Variants in SOX6 observed in about 807,000 individuals in gnomAD.
SOX6 encodes SRY-box transcription factor 6, also known as transcription factor SOX-6.
Under a neutral mutation model 97.8 loss-of-function variants are expected in SOX6, and 11 were observed. The ratio of observed to expected loss-of-function variants is 0.11; its 90% CI spans 0.07 to 0.19. The LOEUF is 0.19. Among genes scored for constraint, SOX6 ranks in the 10% least tolerant of loss-of-function variants. The pLI is 1.00. For synonymous variants in SOX6, 360 were observed against 371.4 expected, an observed-to-expected ratio of 0.97 and a Z score of 0.35; for missense variants, 810 against 1,039.5, an observed-to-expected ratio of 0.78 and a Z score of 3.04.
At chr11:16,307,017 T>C (rs1855462255) in intron 3 of SOX6, among the ~76,000 whole-genome samples, 1 of 152,170 alleles carries the variant, frequency 6.6e-6, no homozygotes, top group East Asian at 1.9e-4. Context: ...GTGTGTCTAA[T>C]ATAACTAAGG....
At chr11:16,051,509 T>A in intron 10 of SOX6, among the ~76,000 whole-genome samples, 1 of 152,184 alleles carries the variant, frequency 6.6e-6, no homozygotes, top group Non-Finnish European at 1.5e-5. Context: ...TGTACGTTTA[T>A]GTATATTTAT....
chr11:16,590,133 T>C (rs1379215702), intron 4 of SOX6, among the ~76,000 whole-genome samples: 1 of 152,216 alleles, frequency 6.6e-6, no homozygotes, highest in Non-Finnish European at 1.5e-5. Context: ...TGGCATTGTA[T>C]AGGTGGTACT....
intron 11 of SOX6, among the ~76,000 whole-genome samples, chr11:16,048,437 C>T (rs934730994): frequency 2.6e-5 from 4 of 152,110 alleles, no homozygotes; most frequent in Non-Finnish European, 5.9e-5. Context: ...CACAATTTAG[C>T]AAATATTCTA....
intron 3 of SOX6, among the ~76,000 whole-genome samples, chr11:16,306,623 T>TTC: frequency 7.6e-6 from 1 of 132,198 alleles, no homozygotes; most frequent in Non-Finnish European, 1.7e-5. Context: ...TTTTTTTTTT[T>TTC]TTTCTTTTTT....
rs567583501 is a variant in SOX6 at position 16,451,067 on chromosome 11, C to CA, written c.-5+25247dup. Among the ~76,000 whole-genome samples, 634 of 151,818 alleles carry CA rather than the reference C, an allele frequency of 4.2e-3. 5 individuals carry two copies. The highest frequency in any genetic ancestry group is 0.015 in the African/African-American group (608 of 41,394). Reference sequence around the variant, plus strand: ...GCAACATGGCGAAACACTGTCTCTACAAAAAAATAAAAAAATTAGCCAGGT... The same window carrying CA: ...GCAACATGGCGAAACACTGTCTCTACAAAAAAAATAAAAAAATTAGCCAGGT... On this transcript the variant is annotated intron_variant, in intron 1 of 15. Coordinates refer to the SOX6 transcript ENST00000396356.
intron 1 of SOX6, among the ~76,000 whole-genome samples, chr11:16,447,858 A>G (rs1442027596): frequency 1.3e-5 from 2 of 152,238 alleles, no homozygotes; most frequent in African/African-American, 4.8e-5. Flanking sequence ...GAAGGTGCAT[A>G]TAAGTGGTTG....
At chr11:16,317,231 A>G (rs1310035054) in intron 3 of SOX6, 1 of 151,232 alleles carries the variant, frequency 6.6e-6, no homozygotes, top group Non-Finnish European at 1.5e-5. Context: ...AAAATAATTG[A>G]CATTTATAAT....
intron 6 of SOX6, among the ~76,000 whole-genome samples, chr11:16,133,560 C>T (rs941391112): frequency 6.6e-6 from 1 of 152,164 alleles, no homozygotes; most frequent in Non-Finnish European, 1.5e-5. Flanking sequence ...TCTGAATTAT[C>T]TTATGAGGCA....
intron 1 of SOX6, among the ~76,000 whole-genome samples, chr11:16,407,885 GA>G (rs1307831313): frequency 6.6e-6 from 1 of 151,646 alleles, no homozygotes; most frequent in Non-Finnish European, 1.5e-5. Flanking sequence ...ATACAGAAAG[GA>G]AAAAAATAAA....
In SOX6 at chr11:16,152,107, T is replaced by C. The variant is rs569139635; in HGVS notation, c.777+31779A>G. 1.7e-3 allele frequency among the ~76,000 whole-genome samples: 263 copies of C among 152,348 alleles called. 3 individuals carry two copies. Among genetic ancestry groups the C allele is most frequent in the Admixed American group, 3.0e-3 (46 of 15,286 alleles). ...ATCATAGGGAACACCACAGATGTTT[T>C]TGACAAAAACATGTTCTTTCACCCA... On this transcript the variant is annotated intron_variant, in intron 6 of 15. Transcript: ENST00000683767.
intron 1 of SOX6, among the ~76,000 whole-genome samples, chr11:16,406,400 G>T (rs1053199476): frequency 6.6e-6 from 1 of 152,080 alleles, no homozygotes; most frequent in African/African-American, 2.4e-5. Context: ...AGGTCAGCTG[G>T]ACATTTCTCT....
chr11:16,630,903 A>G (rs1848697746), intron 3 of SOX6, among the ~76,000 whole-genome samples: 1 of 152,114 alleles, frequency 6.6e-6, no homozygotes, highest in Non-Finnish European at 1.5e-5. Flanking sequence ...AAGAACAGTG[A>G]TCCCTATTCT....
intron 1 of SOX6, among the ~76,000 whole-genome samples, 145 bp downstream of exon 1, chr11:16,355,949 A>G (rs1361283029): frequency 6.6e-6 from 1 of 152,130 alleles, no homozygotes; most frequent in Non-Finnish European, 1.5e-5. Context: ...ATGCTTTTCA[A>G]GTTATTACCT....
At chr11:16,129,723 G>A (rs1330736301) in intron 6 of SOX6, among the ~76,000 whole-genome samples, 2 of 152,030 alleles carry the variant, frequency 1.3e-5, no homozygotes, top group African/African-American at 4.8e-5. Context: ...TAGGTGCAGA[G>A]TAACACTTGA....
chr11:16,323,147 A>G lies in SOX6; in HGVS notation c.238-4494T>C, dbSNP rs141942269. On this transcript the variant is annotated intron_variant, in intron 2 of 15. Coordinates refer to ENST00000683767, the MANE Select transcript of SOX6 (RefSeq NM_001367873.1). ...AGTATCCTAGTCCCAAATAAAGGAA[A>G]AAAGCCATGTTGATTCAGATAATCT... 4.3e-3 allele frequency among the ~76,000 whole-genome samples: 661 copies of G among 152,292 alleles called. 5 individuals are homozygous for G. The highest frequency in any genetic ancestry group is 0.014 in the African/African-American group (602 of 41,570).
intron 7 of SOX6, among the ~76,000 whole-genome samples, chr11:16,111,416 A>G (rs1286643677): frequency 1.3e-5 from 2 of 152,194 alleles, no homozygotes; most frequent in Non-Finnish European, 2.9e-5. Flanking sequence ...TCTGACAACA[A>G]ACAATGACAT....
At chr11:15,994,988 T>G (rs141850288) in intron 13 of SOX6, among the ~76,000 whole-genome samples, 1 of 152,308 alleles carries the variant, frequency 6.6e-6, no homozygotes, top group East Asian at 1.9e-4. Context: ...ATGAAGACGC[T>G]TTCTGGTCTT....
In SOX6 at chr11:15,969,946, A is replaced by G. The variant is rs1180509431; in HGVS notation, c.*2863T>C. ...TCAGATCATTCCTGAATAGCCTTTC[A>G]TTTTTAAGAACATGGCTAAAAGTAA... On this transcript the variant is annotated 3_prime_UTR_variant, in exon 16 of 16. Transcript: ENST00000683767. 6.6e-6 allele frequency: 1 copy of G among 152,248 alleles called. No individual in the cohort carries two copies. The highest frequency in any genetic ancestry group is 1.5e-5 in the Non-Finnish European group (1 of 68,036). 9.4% of individuals were successfully genotyped at this position (152,248 alleles called of 1,614,324 possible).
In SOX6 at chr11:16,173,579, G is replaced by GT. The variant is rs562492298; in HGVS notation, c.777+10306dup. ...CTTGCTTTGGGTTTTTAGTTTTTTT[G>GT]TTTTTTTTTTTTAAACTACTAGAAA... On this transcript the variant is annotated intron_variant, in intron 6 of 15. Coordinates refer to ENST00000683767, the MANE Select transcript of SOX6 (RefSeq NM_001367873.1). Among the ~76,000 whole-genome samples the GT allele has an allele frequency of 2.2e-3, 284 of 131,218 alleles. 1 individual carries two copies. Among genetic ancestry groups the GT allele is most frequent in the East Asian group, 4.4e-3 (20 of 4,520 alleles). The allele number at this position is 131,218 out of a possible 152,430, so 86.1% of individuals were successfully genotyped here.
Sources: allele counts gnomAD v4.1 joint callset (sites outside exome capture counted in the v4.1 genomes callset), GRCh38; gene constraint gnomAD v4.1.1; transcripts MANE v1.5; gene names NCBI Gene and HGNC (gene_info 2026-07-23, HGNC 2026-07-21).